Variants in TAFA2 observed in about 807,000 individuals in gnomAD.
The protein encoded by TAFA2 is chemokine-like protein TAFA-2.
In TAFA2, 7 loss-of-function variants were observed where a neutral mutation model predicts 18.8. That is an observed-to-expected ratio of 0.37 (90% CI 0.21 to 0.70). TAFA2 has a LOEUF of 0.70. TAFA2 is among the 30% of genes least tolerant of loss of function. The pLI is 0.53. For synonymous variants in TAFA2, 60 were observed against 54.2 expected, an observed-to-expected ratio of 1.11 and a Z score of -0.47; for missense variants, 122 against 158.1, an observed-to-expected ratio of 0.77 and a Z score of 1.23.
chr12:62,122,880 A>G (rs1870261205), intron 1 of TAFA2, among the ~76,000 whole-genome samples: 1 of 152,122 alleles, frequency 6.6e-6, no homozygotes, highest in African/African-American at 2.4e-5. Context: ...GCCCCATCAT[A>G]AACCATACCT....
intron 4 of TAFA2, among the ~76,000 whole-genome samples, chr12:61,732,823 A>G (rs1868249034): frequency 6.6e-6 from 1 of 152,002 alleles, no homozygotes; most frequent in African/African-American, 2.4e-5. Flanking sequence ...GACTGATGGG[A>G]GAAAATTCCT....
intron 4 of TAFA2, among the ~76,000 whole-genome samples, chr12:61,734,319 A>G (rs1193550703): frequency 7.1e-6 from 1 of 140,378 alleles, no homozygotes; most frequent in African/African-American, 2.6e-5. Flanking sequence ...AACATTGAAA[A>G]CACATGGACA....
chr12:62,033,805 C>A (rs1881527329), intron 1 of TAFA2, among the ~76,000 whole-genome samples: 2 of 152,158 alleles, frequency 1.3e-5, no homozygotes, highest in South Asian at 4.2e-4. Context: ...CTCTGGTTAG[C>A]CTATAAAAAT....
chr12:61,804,211 T>C (rs1256705180), intron 2 of TAFA2, among the ~76,000 whole-genome samples: 1 of 152,040 alleles, frequency 6.6e-6, no homozygotes, highest in Non-Finnish European at 1.5e-5. Context: ...TCAAGGCTCA[T>C]ATTTCTCTTT....
chr12:62,199,542 T>C (rs549132546), intron 1 of TAFA2, among the ~76,000 whole-genome samples: 43 of 152,254 alleles, frequency 2.8e-4, no homozygotes, highest in Non-Finnish European at 4.9e-4. Context: ...CATGATCTCA[T>C]TCCTTTTTAC....
intron 1 of TAFA2, among the ~76,000 whole-genome samples, chr12:62,024,984 G>A (rs1006198181): frequency 7.2e-5 from 11 of 152,122 alleles, no homozygotes; most frequent in Admixed American, 6.5e-4. Context: ...AGAGAAAAGG[G>A]AACACACATA....
chr12:61,790,406 C>A (rs1048639892), intron 2 of TAFA2, among the ~76,000 whole-genome samples: 1 of 151,756 alleles, frequency 6.6e-6, no homozygotes, highest in Non-Finnish European at 1.5e-5. Context: ...TTATCCAAAT[C>A]AGAAAGAAGA....
At chr12:61,933,691 C>G (rs1359362757) in intron 1 of TAFA2, among the ~76,000 whole-genome samples, 1 of 152,160 alleles carries the variant, frequency 6.6e-6, no homozygotes, top group Non-Finnish European at 1.5e-5. Context: ...CCACTGCACT[C>G]CAGCCTGGGT....
chr12:61,861,623 A>C (rs967981937), intron 2 of TAFA2, among the ~76,000 whole-genome samples: 1 of 152,072 alleles, frequency 6.6e-6, no homozygotes, highest in African/African-American at 2.4e-5. Flanking sequence ...CATATATTTC[A>C]CGGATAGTTG....
chr12:61,924,286 G>A (rs549928582), intron 1 of TAFA2, among the ~76,000 whole-genome samples: 42 of 152,196 alleles, frequency 2.8e-4, no homozygotes, highest in African/African-American at 8.9e-4. Flanking sequence ...ACACGTAATC[G>A]TCAGATTCTC....
intron 2 of TAFA2, among the ~76,000 whole-genome samples, chr12:61,797,478 T>A (rs1328244233): frequency 6.6e-6 from 1 of 152,086 alleles, no homozygotes; most frequent in Non-Finnish European, 1.5e-5. Context: ...TTGGATGGAT[T>A]TATAGCTGCT....
chr12:62,094,947 A>G (rs1868883057), intron 1 of TAFA2, among the ~76,000 whole-genome samples: 1 of 152,120 alleles, frequency 6.6e-6, no homozygotes, highest in South Asian at 2.1e-4. Context: ...GAGAAAAGCA[A>G]CAGTAAAGCA....
chr12:62,255,127 A>T (rs2062932124), intron 1 of TAFA2: 1 of 152,230 alleles, frequency 6.6e-6, no homozygotes, highest in South Asian at 2.1e-4. Context: ...TTTTAATTAA[A>T]TTTGACATTT....
intron 2 of TAFA2, among the ~76,000 whole-genome samples, chr12:61,813,495 C>G (rs985709964): frequency 2.0e-5 from 3 of 151,316 alleles, no homozygotes; most frequent in African/African-American, 7.4e-5. Context: ...ATAAGCAAAT[C>G]TACCAATTCT....
intron 1 of TAFA2, among the ~76,000 whole-genome samples, chr12:61,976,153 A>G (rs1040805760): frequency 2.0e-5 from 3 of 151,878 alleles, no homozygotes; most frequent in Non-Finnish European, 4.4e-5. Flanking sequence ...TTCACCAGCT[A>G]GAAAGAATCA....
At chr12:61,910,600 C>T (rs1282823439) in intron 1 of TAFA2, among the ~76,000 whole-genome samples, 1 of 152,114 alleles carries the variant, frequency 6.6e-6, no homozygotes, top group East Asian at 1.9e-4. Context: ...CAAGGAGCTC[C>T]CATTTTAATT....
intron 1 of TAFA2, among the ~76,000 whole-genome samples, chr12:62,142,133 A>G (rs1298422186): frequency 6.6e-6 from 1 of 152,172 alleles, no homozygotes; most frequent in Non-Finnish European, 1.5e-5. Context: ...AGGTTAAGTA[A>G]CTTGCCACTT....
At chr12:61,994,702 T>C (rs1313642969) in intron 1 of TAFA2, among the ~76,000 whole-genome samples, 2 of 152,186 alleles carry the variant, frequency 1.3e-5, no homozygotes, top group Non-Finnish European at 2.9e-5. Flanking sequence ...CATTTTTTTA[T>C]ATTCTAGTAG....
chr12:61,998,128 G>T (rs939143132), intron 1 of TAFA2, among the ~76,000 whole-genome samples: 4 of 151,962 alleles, frequency 2.6e-5, no homozygotes, highest in African/African-American at 9.7e-5. Context: ...TATAAGGAAA[G>T]AATTTAAGGA....
Sources: allele counts gnomAD v4.1 joint callset (sites outside exome capture counted in the v4.1 genomes callset), GRCh38; gene constraint gnomAD v4.1.1; transcripts MANE v1.5; gene names NCBI Gene and HGNC (gene_info 2026-07-23, HGNC 2026-07-21).